ZCCHC7: variants seen among roughly 807,000 people sequenced by gnomAD.
ZCCHC7 encodes zinc finger CCHC-type containing 7, also known as zinc finger CCHC domain-containing protein 7.
In ZCCHC7, 35 loss-of-function variants were observed where a neutral mutation model predicts 52.0. The ratio of observed to expected loss-of-function variants is 0.67; its 90% CI spans 0.51 to 0.89. ZCCHC7 has a LOEUF of 0.89. Ranked by LOEUF, ZCCHC7 falls within the 40% of genes least tolerant of loss-of-function variation. ZCCHC7 has a pLI of 0.00. For synonymous variants in ZCCHC7, 217 were observed against 221.5 expected (o/e 0.98, Z 0.18); for missense variants, 574 against 649.1 (o/e 0.88, Z 1.26).
intron 2 of ZCCHC7, among the ~76,000 whole-genome samples, chr9:37,129,812 T>C (rs903581813): frequency 2.6e-5 from 4 of 152,232 alleles, no homozygotes; most frequent in African/African-American, 9.6e-5. Flanking sequence ...TAATAATATT[T>C]AGAGTAATTT....
intron 2 of ZCCHC7, among the ~76,000 whole-genome samples, chr9:37,261,891 T>A (rs1826882273): frequency 6.6e-6 from 1 of 152,086 alleles, no homozygotes; most frequent in Non-Finnish European, 1.5e-5. Context: ...GTCTTCTGAG[T>A]CTTGTGTTAA....
At chr9:37,126,160 T>C (rs754475811) in intron 1 of ZCCHC7, among the ~76,000 whole-genome samples, 152 bp from the exon 2 acceptor site, 3 of 152,230 alleles carry the variant, frequency 2.0e-5, no homozygotes, top group Non-Finnish European at 4.4e-5. Flanking sequence ...TAACAGGACT[T>C]AGAAATCCTT....
chr9:37,173,848 C>T (rs1403472528), intron 2 of ZCCHC7, among the ~76,000 whole-genome samples: 1 of 152,008 alleles, frequency 6.6e-6, no homozygotes, highest in East Asian at 1.9e-4. Flanking sequence ...ATCATGTTTA[C>T]TCTTCTAGGC....
intron 6 of ZCCHC7, among the ~76,000 whole-genome samples, chr9:37,337,154 A>T (rs1830708343): frequency 6.6e-6 from 1 of 152,210 alleles, no homozygotes; most frequent in South Asian, 2.1e-4. Context: ...TTCTGTCCAT[A>T]TTACTATAAT....
chr9:37,172,074 G>T (rs1821759723), intron 2 of ZCCHC7, among the ~76,000 whole-genome samples: 1 of 152,120 alleles, frequency 6.6e-6, no homozygotes. Flanking sequence ...GTCTCTTAAA[G>T]TTCTAATGTA....
At chr9:37,306,452 T>G (rs1478391176) in intron 5 of ZCCHC7, among the ~76,000 whole-genome samples, 1 of 151,656 alleles carries the variant, frequency 6.6e-6, no homozygotes, top group African/African-American at 2.4e-5. Context: ...TGATGCTTCT[T>G]TTTTTATTTT....
chr9:37,224,339 G>A (rs866728904), intron 2 of ZCCHC7, among the ~76,000 whole-genome samples: 1 of 152,054 alleles, frequency 6.6e-6, no homozygotes, highest in African/African-American at 2.4e-5. Flanking sequence ...CCAGGAATTG[G>A]AAGTCTGTGT....
chr9:37,225,175 A>G (rs1166126983), intron 2 of ZCCHC7, among the ~76,000 whole-genome samples: 3 of 152,230 alleles, frequency 2.0e-5, no homozygotes, highest in African/African-American at 7.2e-5. Flanking sequence ...GAGGAACATC[A>G]CACAGATCCT....
intron 6 of ZCCHC7, among the ~76,000 whole-genome samples, chr9:37,337,415 C>CCCA (rs1830731314): frequency 9.4e-6 from 1 of 106,704 alleles, no homozygotes; most frequent in African/African-American, 3.7e-5. Context: ...CCCCCCCCCC[C>CCCA]AAAAAAAATG....
intron 8 of ZCCHC7, 83 bp from the exon 9 acceptor site, chr9:37,356,752 T>A (rs1821724783): frequency 1.6e-6 from 2 of 1,263,372 alleles, no homozygotes; most frequent in Non-Finnish European, 2.2e-6. Context: ...AGCTTCCCTG[T>A]CTGTTAAGTT....
At chr9:37,329,628 CTAAAA>C (rs1481055105) in intron 6 of ZCCHC7, among the ~76,000 whole-genome samples, 1 of 151,670 alleles carries the variant, frequency 6.6e-6, no homozygotes, top group Non-Finnish European at 1.5e-5. Flanking sequence ...ATCAGTGTCT[CTAAAA>C]TAAAATAGTT....
intron 2 of ZCCHC7, among the ~76,000 whole-genome samples, chr9:37,190,882 C>T (rs184282427): frequency 1.0e-3 from 158 of 152,112 alleles, no homozygotes; most frequent in African/African-American, 3.6e-3. Context: ...ATTAGCTGGG[C>T]GTGGTGGTGC....
chr9:37,297,802 A>G (rs1217438353), intron 2 of ZCCHC7, among the ~76,000 whole-genome samples: 2 of 152,202 alleles, frequency 1.3e-5, no homozygotes, highest in Non-Finnish European at 2.9e-5. Context: ...AAAGGTCATG[A>G]TAACCAGCTC....
At chr9:37,136,348 G>T (rs1166304648) in intron 2 of ZCCHC7, among the ~76,000 whole-genome samples, 1 of 152,172 alleles carries the variant, frequency 6.6e-6, no homozygotes, top group Non-Finnish European at 1.5e-5. Flanking sequence ...ATAGTTACAC[G>T]ATAGGTTCAT....
At chr9:37,252,991 C>A (rs781715387) in intron 2 of ZCCHC7, among the ~76,000 whole-genome samples, 1 of 151,978 alleles carries the variant, frequency 6.6e-6, no homozygotes, top group Non-Finnish European at 1.5e-5. Context: ...TTAAAATGAG[C>A]TGTTTGTTTC....
intron 2 of ZCCHC7, among the ~76,000 whole-genome samples, chr9:37,262,325 ATAGTTGCTAGC>A (rs1168869498): frequency 5.9e-5 from 9 of 152,144 alleles, no homozygotes; most frequent in Admixed American, 5.9e-4. Context: ...CATAATGACT[ATAGTTGCTAGC>A]TATATATTCA....
chr9:37,159,315 G>A (rs187901151), intron 2 of ZCCHC7, among the ~76,000 whole-genome samples: 114 of 152,232 alleles, frequency 7.5e-4, no homozygotes, highest in Non-Finnish European at 1.1e-3. Context: ...ATTAAAATAT[G>A]TGGTTACCTA....
intron 2 of ZCCHC7, among the ~76,000 whole-genome samples, chr9:37,193,611 T>C (rs1823129677): frequency 6.6e-6 from 1 of 152,148 alleles, no homozygotes; most frequent in South Asian, 2.1e-4. Context: ...AAAAATCTAG[T>C]AGCCTTTTAA....
intron 2 of ZCCHC7, among the ~76,000 whole-genome samples, chr9:37,231,288 T>C (rs914021122): frequency 3.9e-5 from 6 of 152,190 alleles, no homozygotes; most frequent in African/African-American, 1.4e-4. Context: ...ACTAGTTACG[T>C]ATATTAATTT....
Sources: gnomAD v4.1 joint callset for allele counts (sites outside exome capture counted in the v4.1 genomes callset) on GRCh38, gnomAD v4.1.1 for gene constraint, MANE v1.5 for transcripts, NCBI Gene and HGNC (gene_info 2026-07-23, HGNC 2026-07-21) for gene names.